Variants in RNF34 observed in about 807,000 individuals in gnomAD.
RNF34 encodes E3 ubiquitin-protein ligase RNF34.
Under a neutral mutation model 37.9 loss-of-function variants are expected in RNF34, and 12 were observed. The ratio of observed to expected loss-of-function variants is 0.32; its 90% CI spans 0.20 to 0.51. The LOEUF (loss-of-function observed/expected upper bound fraction) is 0.51. Ranked by LOEUF, RNF34 falls within the 20% of genes least tolerant of loss-of-function variation. RNF34 has a pLI of 0.97. For synonymous variants in RNF34, 155 were observed against 177.2 expected (o/e 0.87, Z 1.00); for missense variants, 362 against 472.7 (o/e 0.77, Z 2.17).
At chr12:121,414,147 C>A (rs930148750) in intron 1 of RNF34, among the ~76,000 whole-genome samples, 39 of 152,066 alleles carry the variant, frequency 2.6e-4, no homozygotes, top group African/African-American at 9.2e-4. Flanking sequence ...GACAAACAGT[C>A]CAGCATTTTA....
At position 121,400,175 on chromosome 12, in the gene RNF34, T is replaced by G; in HGVS notation, c.-38T>G. The G allele has an allele frequency of 1.9e-6, 3 of 1,605,612 alleles. No homozygotes were observed. The highest frequency in any genetic ancestry group is 1.7e-6 in the Non-Finnish European group (2 of 1,178,000). On this transcript the variant is annotated 5_prime_UTR_variant, in exon 1 of 6. Coordinates refer to ENST00000361234, the MANE Select transcript of RNF34 (RefSeq NM_025126.4). ...GTGAGGAGCTGCTATGGTGCTGAGT[T>G]TCCTGGTAGAGCCGGCCGAGCTGAG...
chr12:121,402,801 G>C lies in RNF34; in HGVS notation c.6+2583G>C, dbSNP rs1250245401. 6 of 1,601,354 alleles carry C rather than the reference G, an allele frequency of 3.7e-6. No individual in the cohort carries two copies. In the Admixed American group the frequency reaches 1.0e-4, roughly 27 times the overall value. The stretch of plus-strand genomic sequence containing the variant: ...TAAAAGAAAACAAAAACCCAAGCAT[G>C]AGGAAGGTAACATTTGTATCTATAG... On this transcript the variant is annotated intron_variant, in intron 1 of 5. Coordinates refer to ENST00000361234, the MANE Select transcript of RNF34 (RefSeq NM_025126.4).
intron 1 of RNF34, among the ~76,000 whole-genome samples, chr12:121,414,275 A>G (rs1352254180): frequency 6.6e-6 from 1 of 152,268 alleles, no homozygotes; most frequent in Non-Finnish European, 1.5e-5. Flanking sequence ...CTATCACATT[A>G]TCTAGATTCT....
chr12:121,410,111 G>T (rs569650243), intron 1 of RNF34, among the ~76,000 whole-genome samples: 1 of 151,872 alleles, frequency 6.6e-6, no homozygotes, highest in Non-Finnish European at 1.5e-5. Flanking sequence ...CCAAGATCGT[G>T]CCATCGCACT....
At chr12:121,416,003 C>A (rs1593668407) in intron 1 of RNF34, among the ~76,000 whole-genome samples, 156 bp from the exon 2 acceptor site, 1 of 152,012 alleles carries the variant, frequency 6.6e-6, no homozygotes, top group African/African-American at 2.4e-5. Context: ...GCAGAAAATT[C>A]TTTCCAAATG....
At chr12:121,416,417 C>T in intron 2 of RNF34, 40 bp downstream of exon 2, 1 of 1,312,152 alleles carries the variant, frequency 7.6e-7, no homozygotes, top group Non-Finnish European at 1.1e-6. Flanking sequence ...ACACATGGGT[C>T]AGCATTCTTG....
rs541374474 is a variant in RNF34 at position 121,411,222 on chromosome 12, C to T, written c.7-4937C>T. Among the ~76,000 whole-genome samples, 6 of 152,288 alleles carry T rather than the reference C, an allele frequency of 3.9e-5. 1 individual carries two copies. The highest frequency in any genetic ancestry group is 2.0e-4 in the Admixed American group (3 of 15,284). ...GGATTACAGGTGTGAGCCACCATTC[C>T]TGGCCTGTTTTTAATTTTTTATTTT... On this transcript the variant is annotated intron_variant, in intron 1 of 5. Coordinates refer to ENST00000361234, the MANE Select transcript of RNF34 (RefSeq NM_025126.4).
chr12:121,423,621 C>G lies in RNF34; in HGVS notation c.*45C>G. 6.5e-7 allele frequency: 1 copy of G among 1,532,620 alleles called. No individual in the cohort carries two copies. The highest frequency in any genetic ancestry group is 9.0e-7 in the Non-Finnish European group (1 of 1,115,384). The allele number at this position is 1,532,620 out of a possible 1,614,324, so 94.9% of individuals were successfully genotyped here. A position where few individuals can be genotyped will look rare whatever the true frequency, so the allele number is the denominator to read the frequency against. On this transcript the variant is annotated 3_prime_UTR_variant, in exon 6 of 6. Coordinates refer to ENST00000361234, the MANE Select transcript of RNF34 (RefSeq NM_025126.4). The surrounding 1 kb of genome is among the most constrained non-coding windows in gnomAD (Gnocchi z 4.3). The stretch of plus-strand genomic sequence containing the variant: ...GACAGTCACCCCCAAACTTGACCCC[C>G]AACATTTCAATGCACAGAAGGGACT...
At chr12:121,412,272 C>T (rs1871150361) in intron 1 of RNF34, among the ~76,000 whole-genome samples, 1 of 137,542 alleles carries the variant, frequency 7.3e-6, no homozygotes, top group Non-Finnish European at 1.5e-5. Context: ...TGGAGTCCCG[C>T]TCTGTTGCCC....
At chr12:121,404,828 T>A (rs1870367500) in intron 1 of RNF34, 1 of 152,242 alleles carries the variant, frequency 6.6e-6, no homozygotes, top group Non-Finnish European at 1.5e-5. Flanking sequence ...TTGAGCATTT[T>A]GAAGTATTTT....
intron 1 of RNF34, among the ~76,000 whole-genome samples, chr12:121,406,137 G>A (rs1204765895): frequency 6.6e-6 from 1 of 152,100 alleles, no homozygotes; most frequent in Non-Finnish European, 1.5e-5. Flanking sequence ...AAAAGGTACT[G>A]TTACTGGCTC....
chr12:121,413,076 A>AG (rs1433771576), intron 1 of RNF34, among the ~76,000 whole-genome samples: 5 of 151,170 alleles, frequency 3.3e-5, no homozygotes, highest in Non-Finnish European at 5.9e-5. Flanking sequence ...CCCAAGCTGG[A>AG]GTGCAATGGT....
At chr12:121,406,681 T>A (rs1555280727) in intron 1 of RNF34, among the ~76,000 whole-genome samples, 1 of 152,154 alleles carries the variant, frequency 6.6e-6, no homozygotes, top group African/African-American at 2.4e-5. Flanking sequence ...CAGCTTTGGC[T>A]TAAGAGAGTG....
In RNF34 at chr12:121,423,319, A is replaced by G; in HGVS notation, c.929-67A>G. The G allele has an allele frequency of 7.5e-7, 1 of 1,340,718 alleles. No individual in the cohort carries two copies. Among genetic ancestry groups the G allele is most frequent in the Non-Finnish European group, 1.0e-6 (1 of 974,884 alleles). The allele number at this position is 1,340,718 out of a possible 1,614,324, so 83.1% of individuals were successfully genotyped here. ...TCAGCAGGTGGCTGCTCAGCTTCGG[A>G]CTGGGAGGGTGGCTGGCTGACTGGC... On this transcript the variant is annotated intron_variant, in intron 5 of 5. Transcript: ENST00000361234. This position sits in a 1 kb window ranked among gnomAD's most constrained non-coding sequence, Gnocchi z 4.3.
At chr12:121,402,557 T>TA (rs201268373) in intron 1 of RNF34, among the ~76,000 whole-genome samples, 33,495 of 149,002 alleles carry the variant, frequency 0.22, 6,293 homozygotes, top group African/African-American at 0.52. Flanking sequence ...TATAAGGGAT[T>TA]AAAAAAAAAA....
intron 1 of RNF34, among the ~76,000 whole-genome samples, chr12:121,414,284 C>A (rs1871360189): frequency 6.6e-6 from 1 of 152,212 alleles, no homozygotes; most frequent in South Asian, 2.1e-4. Context: ...TATCTAGATT[C>A]TAGAATATGC....
At chr12:121,415,338 G>A (rs1555281995) in intron 1 of RNF34, 1 of 375,158 alleles carries the variant, frequency 2.7e-6, no homozygotes, top group South Asian at 1.9e-5. Flanking sequence ...TTAAATTTAT[G>A]GGCCTGGCAT....
chr12:121,419,688 T>A (rs1391872320), intron 3 of RNF34, among the ~76,000 whole-genome samples: 1 of 152,234 alleles, frequency 6.6e-6, no homozygotes, highest in Non-Finnish European at 1.5e-5. Flanking sequence ...TGAAGAGATT[T>A]GTGTTTTCTA....
intron 1 of RNF34, chr12:121,402,684 A>G (rs1555280154): frequency 2.7e-6 from 3 of 1,107,338 alleles, no homozygotes; most frequent in Non-Finnish European, 4.0e-6. Context: ...AAAATGAGAT[A>G]TCAAGGAGAA....
Sources: allele counts gnomAD v4.1 joint callset (sites outside exome capture counted in the v4.1 genomes callset), GRCh38; gene constraint gnomAD v4.1.1; non-coding constraint Gnocchi (gnomAD v3.1); transcripts MANE v1.5; gene names NCBI Gene and HGNC (gene_info 2026-07-23, HGNC 2026-07-21).